ZNF407: variants seen among roughly 807,000 people sequenced by gnomAD.
ZNF407 encodes the protein zinc finger protein 407.
ZNF407 carries 17 observed loss-of-function variants against 131.2 expected under a neutral mutation model. That is an observed-to-expected ratio of 0.13 (90% CI 0.09 to 0.19). The LOEUF (loss-of-function observed/expected upper bound fraction) is 0.19. Ranked by LOEUF, ZNF407 falls within the 10% of genes least tolerant of loss-of-function variation. The pLI is 1.00. For synonymous variants in ZNF407, 1,156 were observed against 1,062.0 expected (o/e 1.09, Z -1.72); for missense variants, 2,681 against 2,830.6 (o/e 0.95, Z 1.20).
intron 1 of ZNF407, among the ~76,000 whole-genome samples, chr18:74,629,767 A>G (rs1001345062): frequency 2.4e-4 from 36 of 152,342 alleles, no homozygotes; most frequent in Admixed American, 2.4e-3. Flanking sequence ...TTAACGTGGA[A>G]TCAAGTGGCA....
intron 1 of ZNF407, among the ~76,000 whole-genome samples, chr18:74,604,646 C>CAT (rs1982722255): frequency 6.6e-6 from 1 of 152,198 alleles, no homozygotes; most frequent in Non-Finnish European, 1.5e-5. Flanking sequence ...TTGAACATTC[C>CAT]ATAGGCTTAG....
At chr18:74,822,217 C>T (rs575413833) in intron 4 of ZNF407, among the ~76,000 whole-genome samples, 38 of 152,220 alleles carry the variant, frequency 2.5e-4, no homozygotes, top group Admixed American at 9.8e-4. Context: ...CTGTAGGTTG[C>T]GTGTTCACAA....
chr18:74,818,176 C>A (rs904546175), intron 4 of ZNF407, among the ~76,000 whole-genome samples: 12 of 152,168 alleles, frequency 7.9e-5, no homozygotes, highest in African/African-American at 2.7e-4. Context: ...TCCGCCTGTG[C>A]CCATGTCTCC....
intron 3 of ZNF407, among the ~76,000 whole-genome samples, chr18:74,733,443 A>G (rs1968340170): frequency 6.6e-6 from 1 of 152,132 alleles, no homozygotes; most frequent in Non-Finnish European, 1.5e-5. Context: ...TTGAAGTACT[A>G]CTATACAATC....
Position 74,876,327 on chromosome 18 carries a change from T to G in ZNF407, c.4878-870T>G, listed in dbSNP as rs1216528140. ...GCTTTTGACTGTTCATTATTCTGAA[T>G]TAACTGGAGAGTATTTTATTAGTTA... On this transcript the variant is annotated intron_variant, in intron 4 of 8. Transcript: ENST00000299687. Among the ~76,000 whole-genome samples, 3 of 152,230 alleles carry G rather than the reference T, an allele frequency of 2.0e-5. 1 individual carries two copies. The highest frequency in any genetic ancestry group is 7.2e-5 in the African/African-American group (3 of 41,456).
rs1333789529 is a variant in ZNF407, at chr18:74,632,863, T to G, written c.1844T>G (p.Phe615Cys). 1.2e-6 allele frequency: 2 copies of G among 1,613,624 alleles called. No homozygotes were observed. Among genetic ancestry groups the G allele is most frequent in the Non-Finnish European group, 1.7e-6 (2 of 1,179,890 alleles). ...ATGAAGGAAAAGCACAATATGCATT[T>G]TCTTTGCACCCCTTGTAATCTGTTC... is the stretch of plus-strand genomic sequence containing the variant. ...DHMKEKHNMH[F>C]LCTPCNLFFL... The change falls in exon 2 of 9, where the codon TTT (phenylalanine) becomes TGT (cysteine). Residue 615 changes from phenylalanine (F) to cysteine (C), a missense_variant. By Grantham distance (205) the Phe-to-Cys change is radical. Coordinates refer to ENST00000299687, the MANE Select transcript of ZNF407 (RefSeq NM_017757.3).
chr18:74,908,838 G>T (rs925924126), intron 7 of ZNF407, among the ~76,000 whole-genome samples: 1 of 151,936 alleles, frequency 6.6e-6, no homozygotes, highest in Non-Finnish European at 1.5e-5. Flanking sequence ...ATATATGGAG[G>T]CTTATATTCC....
At chr18:74,976,047 G>T (rs529872805) in intron 8 of ZNF407, among the ~76,000 whole-genome samples, 4 of 152,086 alleles carry the variant, frequency 2.6e-5, no homozygotes, top group Non-Finnish European at 5.9e-5. Flanking sequence ...GTATAATCTG[G>T]TCGTAATATT....
At chr18:74,623,238 TAG>T (rs1291422148) in intron 1 of ZNF407, among the ~76,000 whole-genome samples, 1 of 149,790 alleles carries the variant, frequency 6.7e-6, no homozygotes, top group Non-Finnish European at 1.5e-5. Flanking sequence ...GTGCGGGTGT[TAG>T]TGTGTGTGCA....
intron 8 of ZNF407, among the ~76,000 whole-genome samples, chr18:74,924,603 G>C (rs1412944873): frequency 6.6e-6 from 1 of 151,968 alleles, no homozygotes; most frequent in Non-Finnish European, 1.5e-5. Context: ...CACTACATTT[G>C]GACAAAGAAT....
chr18:74,693,989 A>T (rs1009571373), intron 3 of ZNF407, among the ~76,000 whole-genome samples: 2 of 152,154 alleles, frequency 1.3e-5, no homozygotes, highest in Non-Finnish European at 2.9e-5. Context: ...TGCTAATTCC[A>T]TCATGGTATA....
chr18:74,724,474 T>C (rs1054975116), intron 3 of ZNF407, among the ~76,000 whole-genome samples: 2 of 152,186 alleles, frequency 1.3e-5, no homozygotes, highest in African/African-American at 4.8e-5. Flanking sequence ...TTCCCATCTC[T>C]TCATGTCCTC....
At chr18:74,802,033 A>G (rs1277150732) in intron 4 of ZNF407, among the ~76,000 whole-genome samples, 1 of 152,214 alleles carries the variant, frequency 6.6e-6, no homozygotes, top group East Asian at 1.9e-4. Context: ...TAGAACCAAC[A>G]TACGTGAATA....
chr18:74,666,629 A>C (rs1599053049), intron 3 of ZNF407, among the ~76,000 whole-genome samples: 1 of 152,126 alleles, frequency 6.6e-6, no homozygotes, highest in East Asian at 1.9e-4. Flanking sequence ...AAATGCCTTC[A>C]TTCTCCCTTC....
chr18:75,033,680 A>G (rs1363520496), intron 8 of ZNF407, among the ~76,000 whole-genome samples: 1 of 152,228 alleles, frequency 6.6e-6, no homozygotes, highest in Admixed American at 6.5e-5. Flanking sequence ...ATTCAGACAA[A>G]TGACGTTAAT....
At chr18:74,853,167 T>G (rs1599198322) in intron 4 of ZNF407, among the ~76,000 whole-genome samples, 2 of 152,216 alleles carry the variant, frequency 1.3e-5, no homozygotes, top group Admixed American at 6.5e-5. Flanking sequence ...TTTTATCATA[T>G]CTGAATTGTC....
At chr18:74,640,962 A>T in intron 2 of ZNF407, 46 bp from the exon 3 acceptor site, 4 of 1,365,652 alleles carry the variant, frequency 2.9e-6, no homozygotes, top group Non-Finnish European at 4.2e-6. Flanking sequence ...GCTATTGGTG[A>T]TGTATTATTC....
At chr18:74,712,573 C>T (rs1481846161) in intron 3 of ZNF407, among the ~76,000 whole-genome samples, 3 of 152,174 alleles carry the variant, frequency 2.0e-5, no homozygotes, top group Non-Finnish European at 4.4e-5. Context: ...CTGAGGCTTT[C>T]CTGTGGAGGC....
At chr18:74,990,158 C>A (rs1365104945) in intron 8 of ZNF407, among the ~76,000 whole-genome samples, 3 of 152,120 alleles carry the variant, frequency 2.0e-5, no homozygotes, top group Non-Finnish European at 4.4e-5. Flanking sequence ...CAGTAAACAT[C>A]AGTGAAACTT....
Sources: allele counts gnomAD v4.1 joint callset (sites outside exome capture counted in the v4.1 genomes callset), GRCh38; gene constraint gnomAD v4.1.1; transcripts MANE v1.5; gene names NCBI Gene and HGNC (gene_info 2026-07-23, HGNC 2026-07-21).